Variants in WASHC2C observed in about 807,000 individuals in gnomAD.
WASHC2C encodes Vaccinia Penetration Factor.
WASHC2C carries 73 observed loss-of-function variants against 142.2 expected under a neutral mutation model. The ratio of observed to expected loss-of-function variants is 0.51; its 90% CI spans 0.43 to 0.62. The LOEUF (loss-of-function observed/expected upper bound fraction) is 0.62, where lower values mean the gene tolerates loss of function less well. WASHC2C is among the 20% of genes least tolerant of loss of function. The pLI is 0.00. For synonymous variants in WASHC2C, 337 were observed against 565.5 expected (o/e 0.60, Z 5.73); for missense variants, 969 against 1,531.7 (o/e 0.63, Z 6.13).
rs2135766770 is a variant in WASHC2C, at chr10:45,787,210, T to C, written c.3050T>C (p.Leu1017Pro). 6.5e-7 allele frequency: 1 copy of C among 1,530,948 alleles called. No homozygotes were observed. The highest frequency in any genetic ancestry group is 1.4e-5 in the African/African-American group (1 of 71,282). 94.8% of individuals were successfully genotyped at this position (1,530,948 alleles called of 1,614,324 possible). A position where few individuals can be genotyped will look rare whatever the true frequency, so the allele number is the denominator to read the frequency against. Reference protein sequence around the residue: ...GSGEAGVSFDLPAQADTLHSA... With the variant: ...GSGEAGVSFDPPAQADTLHSA... ...GGGGAGGCCGGTGTGAGTTTTGATC[T>C]TCCAGCTCAGGCAGACACCTTACAC... The change falls in exon 28 of 31, where the codon CTT becomes CCT. Residue 1017 changes from leucine to proline, a missense_variant. Transcript: ENST00000623400.
At chr10:45,738,767 C>T (rs2051601909) in intron 4 of WASHC2C, among the ~76,000 whole-genome samples, 1 of 152,114 alleles carries the variant, frequency 6.6e-6, no homozygotes, top group Non-Finnish European at 1.5e-5. Flanking sequence ...TGCAGTGGCA[C>T]GATATCAGCT....
intron 8 of WASHC2C, among the ~76,000 whole-genome samples, chr10:45,748,249 AT>A: frequency 7.9e-6 from 1 of 127,280 alleles, no homozygotes; most frequent in Non-Finnish European, 1.6e-5. Context: ...GGAATTTCCT[AT>A]TAAGATCTGT....
chr10:45,786,936 A>C (rs549957836), intron 27 of WASHC2C, 99 bp from the exon 28 acceptor site: 1 of 1,611,736 alleles, frequency 6.2e-7, no homozygotes, highest in African/African-American at 1.3e-5. Context: ...CTCCTCTCGT[A>C]TTATACATTA....
intron 19 of WASHC2C, among the ~76,000 whole-genome samples, chr10:45,766,655 CTCCTTTTTGAGGGAGTCTTAACAATAT>C (rs1382255110): frequency 7.0e-6 from 1 of 143,174 alleles, no homozygotes; most frequent in Non-Finnish European, 1.5e-5. Context: ...TGAGGTTAAA[CTCCTTTTTGAGGGAGTCTTAACAATAT>C]TTCTGTTTGT....
intron 10 of WASHC2C, among the ~76,000 whole-genome samples, chr10:45,751,208 G>A (rs1554874277): frequency 6.6e-6 from 1 of 151,490 alleles, no homozygotes; most frequent in Non-Finnish European, 1.5e-5. Context: ...AGTTATAACA[G>A]GGTAGAAAGA....
At position 45,787,176 on chromosome 10, in the gene WASHC2C, C is replaced by T. The variant is rs2058102752; in HGVS notation, c.3016C>T (p.Pro1006Ser). The T allele has an allele frequency of 6.4e-7, 1 of 1,558,932 alleles. No homozygotes were observed. Among genetic ancestry groups the T allele is most frequent in the South Asian group, 1.1e-5 (1 of 87,058 alleles). ...CGGTCTGGAAAGTGTGCCTGTCCTT[C>T]CCGGGAGTGGGGAGGCCGGTGTGAG... Reference protein sequence around the residue: ...SHGLESVPVLPGSGEAGVSFD... With the variant: ...SHGLESVPVLSGSGEAGVSFD... The change falls in exon 28 of 31, where the codon CCC (proline) becomes TCC (serine). Residue 1006 changes from proline to serine, a missense_variant. Coordinates refer to ENST00000623400, the MANE Select transcript of WASHC2C (RefSeq NM_001330074.2).
At chr10:45,741,551 G>GTCCAAATTAACGCTGTCTT (rs2052047650) in intron 5 of WASHC2C, among the ~76,000 whole-genome samples, 2 of 152,160 alleles carry the variant, frequency 1.3e-5, no homozygotes, top group Admixed American at 6.5e-5. Flanking sequence ...GTGAGAATTA[G>GTCCAAATTAACGCTGTCTT]TCCAAATTAA....
At chr10:45,751,013 T>C (rs1223320262) in intron 10 of WASHC2C, among the ~76,000 whole-genome samples, 175 bp downstream of exon 10, 5 of 152,180 alleles carry the variant, frequency 3.3e-5, no homozygotes, top group African/African-American at 1.2e-4. Context: ...TGGGCTCCTT[T>C]AGATAACTGA....
intron 20 of WASHC2C, among the ~76,000 whole-genome samples, chr10:45,770,679 C>T (rs74661374): frequency 0.25 from 37,742 of 150,728 alleles, 3,709 homozygotes; most frequent in East Asian, 0.52. Flanking sequence ...ACCATTTCTG[C>T]ATTAGGCCTC....
chr10:45,770,046 C>T (rs1293996430), intron 20 of WASHC2C, among the ~76,000 whole-genome samples: 1 of 151,058 alleles, frequency 6.6e-6, no homozygotes, highest in Non-Finnish European at 1.5e-5. Flanking sequence ...CAAGACCAGC[C>T]TGGCCAATAT....
intron 3 of WASHC2C, among the ~76,000 whole-genome samples, chr10:45,734,799 C>T (rs565533272): frequency 1.3e-5 from 2 of 152,266 alleles, no homozygotes; most frequent in South Asian, 4.1e-4. Flanking sequence ...CAGCTCACTG[C>T]AGCCTCAAAC....
chr10:45,748,442 A>G (rs1357793474), intron 8 of WASHC2C, among the ~76,000 whole-genome samples: 1 of 151,870 alleles, frequency 6.6e-6, no homozygotes, highest in East Asian at 1.9e-4. Context: ...GGCATGTGCC[A>G]CCATGCCCAG....
At chr10:45,786,733 G>A in intron 27 of WASHC2C, 59 bp downstream of exon 27, 1 of 1,611,634 alleles carries the variant, frequency 6.2e-7, no homozygotes, top group East Asian at 2.2e-5. Context: ...ACTTTTTTGG[G>A]TTTCCTACTC....
intron 20 of WASHC2C, among the ~76,000 whole-genome samples, chr10:45,770,871 G>A (rs2056514039): frequency 6.6e-6 from 1 of 152,120 alleles, no homozygotes; most frequent in African/African-American, 2.4e-5. Flanking sequence ...TCTCTCATCG[G>A]TTTGTTGGGA....
intron 3 of WASHC2C, among the ~76,000 whole-genome samples, chr10:45,732,159 C>T (rs199866467): frequency 0.05 from 7,557 of 152,150 alleles, 242 homozygotes; most frequent in African/African-American, 0.089. Flanking sequence ...ACAATTCCAG[C>T]TTGAATTATG....
intron 3 of WASHC2C, among the ~76,000 whole-genome samples, chr10:45,734,385 G>GTA (rs1371368677): frequency 6.6e-6 from 1 of 151,158 alleles, no homozygotes; most frequent in Admixed American, 6.6e-5. Context: ...GTGTGTGTGT[G>GTA]TATTTTCATT....
At chr10:45,758,926 C>G (rs1301066848) in intron 16 of WASHC2C, among the ~76,000 whole-genome samples, 3 of 150,818 alleles carry the variant, frequency 2.0e-5, no homozygotes, top group African/African-American at 7.3e-5. Flanking sequence ...TACAGCTGGT[C>G]CCTCCTCTTT....
At chr10:45,768,253 AAAG>A (rs1432641439) in intron 19 of WASHC2C, among the ~76,000 whole-genome samples, 4 of 150,966 alleles carry the variant, frequency 2.6e-5, no homozygotes, top group Non-Finnish European at 5.9e-5. Context: ...AAAAAAAAAA[AAAG>A]AAAGAGAAGA....
intron 3 of WASHC2C, among the ~76,000 whole-genome samples, chr10:45,729,955 A>C (rs2050337492): frequency 6.6e-6 from 1 of 151,764 alleles, no homozygotes; most frequent in South Asian, 2.1e-4. Flanking sequence ...TTTTTTGGAG[A>C]GCTATATATA....
Sources: gnomAD v4.1 joint callset for allele counts (sites outside exome capture counted in the v4.1 genomes callset) on GRCh38, gnomAD v4.1.1 for gene constraint, MANE v1.5 for transcripts, NCBI Gene and HGNC (gene_info 2026-07-23, HGNC 2026-07-21) for gene names.